The following SYTL5 variants were observed in gnomAD, a reference collection of about 807,000 sequenced individuals.
SYTL5 encodes the protein synaptotagmin-like protein 5.
Under a neutral mutation model 55.9 loss-of-function variants are expected in SYTL5, and 34 were observed. That is an observed-to-expected ratio of 0.61 (90% CI 0.46 to 0.81). SYTL5 has a LOEUF of 0.81. Among genes scored for constraint, SYTL5 ranks in the 30% least tolerant of loss-of-function variants. The probability of loss-of-function intolerance (pLI) is 0.00; values close to 1 mark genes in which losing one functional copy is unlikely to be tolerated. For synonymous variants in SYTL5, 221 were observed against 188.7 expected (o/e 1.17, Z -1.40); for missense variants, 637 against 546.7 (o/e 1.17, Z -1.65).
chrX:38,029,547 G>A (rs780312340), intron 1 of SYTL5, among the ~76,000 whole-genome samples: 19 of 111,322 alleles, frequency 1.7e-4, no homozygotes, highest in Admixed American at 6.7e-4. Flanking sequence ...ATAGCTAGGG[G>A]GCATGGCTAA....
chrX:37,975,500 GA>G, the SYTL5 span, among the ~76,000 whole-genome samples: 1 of 111,750 alleles, frequency 8.9e-6, no homozygotes. Context: ...TACTAGTTAG[GA>G]GTGGGCAAAG....
At chrX:38,058,047 T>A (rs1344481339) in intron 3 of SYTL5, among the ~76,000 whole-genome samples, 1 of 111,627 alleles carries the variant, frequency 9.0e-6, no homozygotes, top group Non-Finnish European at 1.9e-5. Context: ...ATGAAAATAT[T>A]CTCCTATGTG....
the SYTL5 span, among the ~76,000 whole-genome samples, chrX:37,954,835 T>C: frequency 8.9e-6 from 1 of 111,796 alleles, no homozygotes; most frequent in South Asian, 3.7e-4. Flanking sequence ...TTGGTGTCAC[T>C]ATGAAGCTAT....
At chrX:38,081,732 C>T (rs1216066016) in intron 6 of SYTL5, among the ~76,000 whole-genome samples, 2 of 111,775 alleles carry the variant, frequency 1.8e-5, no homozygotes, top group Non-Finnish European at 3.8e-5. Context: ...GCTGAATGTA[C>T]CTCAGAGTTA....
chrX:38,054,322 C>T lies in SYTL5; in HGVS notation c.229C>T (p.Arg77Trp), dbSNP rs772330806. The change falls in exon 3 of 17, where the codon CGG becomes TGG. Residue 77 changes from arginine (R) to tryptophan (W), a missense_variant. Arg to Trp is a moderately radical substitution (Grantham distance 101, BLOSUM62 -3). Transcript: ENST00000297875. ...CAGAAACCTGGGCCTAATCTTTGAC[C>T]GGGGAGACCCTTGTCAGGCTTGCTC... ...CHRNLGLIFD[R>W]GDPCQACSLR... is the part of the protein sequence containing the mutation. 1.3e-5 allele frequency: 16 copies of T among 1,208,567 alleles called. No individual in the cohort carries two copies. Among genetic ancestry groups the T allele is most frequent in the South Asian group, 1.8e-5 (1 of 56,753 alleles).
chrX:37,938,735 G>A, the SYTL5 span, among the ~76,000 whole-genome samples: 4 of 110,965 alleles, frequency 3.6e-5, no homozygotes, highest in Non-Finnish European at 7.5e-5. Flanking sequence ...AAATGCTTTA[G>A]ACTGAGCACA....
chrX:37,990,806 G>T, the SYTL5 span: 1 of 1,161,993 alleles, frequency 8.6e-7, no homozygotes, highest in East Asian at 3.2e-5. Flanking sequence ...AGAGAATCAA[G>T]CAGAGCTGAT....
the SYTL5 span, among the ~76,000 whole-genome samples, chrX:37,909,938 G>A: frequency 9.0e-6 from 1 of 111,141 alleles, no homozygotes; most frequent in African/African-American, 3.3e-5. Flanking sequence ...GCCTCCCAAA[G>A]TGCTGGGATT....
chrX:38,066,994 G>A (rs73465494), intron 3 of SYTL5, among the ~76,000 whole-genome samples: 1,480 of 111,636 alleles, frequency 0.013, 11 homozygotes, highest in Middle Eastern at 0.019. Context: ...TGACTGACAT[G>A]CACTCACTAA....
chrX:38,087,790 G>A lies in SYTL5; in HGVS notation c.690-1656G>A, dbSNP rs773281537. On this transcript the variant is annotated intron_variant, in intron 6 of 16. Transcript: ENST00000297875. Reference sequence around the variant, plus strand: ...TTGTTCTTAGTGAAATGATGAGTAAGCAGTATGAGAAACTAGAATGGTCAC... The same window carrying A: ...TTGTTCTTAGTGAAATGATGAGTAAACAGTATGAGAAACTAGAATGGTCAC... Among the ~76,000 whole-genome samples the A allele has an allele frequency of 6.3e-5, 7 of 111,347 alleles. No homozygotes were observed. The South Asian group carries it at 2.7e-3, about 42-fold the overall frequency.
At chrX:38,044,000 G>A (rs139993856) in intron 2 of SYTL5, among the ~76,000 whole-genome samples, 1,231 of 109,155 alleles carry the variant, frequency 0.011, 11 homozygotes, top group Middle Eastern at 0.048. Flanking sequence ...TTTAAAAACC[G>A]GCAATCTGAG....
chrX:37,926,705 T>A, the SYTL5 span, among the ~76,000 whole-genome samples: 1 of 111,496 alleles, frequency 9.0e-6, no homozygotes, highest in African/African-American at 3.3e-5. Context: ...TAAAAAATTT[T>A]CATGTGGGCT....
At chrX:38,013,058 T>C (rs1305586806) in intron 1 of SYTL5, among the ~76,000 whole-genome samples, 1 of 112,056 alleles carries the variant, frequency 8.9e-6, no homozygotes, top group African/African-American at 3.2e-5. Flanking sequence ...ATGGAAAAAA[T>C]ATAGATTGGG....
intron 2 of SYTL5, among the ~76,000 whole-genome samples, chrX:38,043,661 G>GTGTATATATA (rs1285664433): frequency 4.0e-5 from 2 of 50,144 alleles, no homozygotes; most frequent in African/African-American, 9.6e-5. Flanking sequence ...ATGTATGTAT[G>GTGTATATATA]TATATATATA....
In SYTL5 at chrX:38,128,769, C is replaced by T. The variant is rs1937731698; in HGVS notation, c.*2039C>T. 9.0e-6 allele frequency: 1 copy of T among 111,025 alleles called. No homozygotes were observed. Among genetic ancestry groups the T allele is most frequent in the African/African-American group, 3.3e-5 (1 of 30,560 alleles). 9.1% of individuals were successfully genotyped at this position (111,025 alleles called of 1,213,427 possible). A position where few individuals can be genotyped will look rare whatever the true frequency, so the allele number is the denominator to read the frequency against. ...CAGAAAACAAAAAGTGTAAGATCAT[C>T]ATTGCTTCCCACATAGGAAAAATAA... On this transcript the variant is annotated 3_prime_UTR_variant, in exon 17 of 17. Coordinates refer to ENST00000297875, the MANE Select transcript of SYTL5 (RefSeq NM_138780.3).
intron 5 of SYTL5, among the ~76,000 whole-genome samples, chrX:38,074,719 C>G (rs192832526): frequency 1.7e-4 from 19 of 112,060 alleles, no homozygotes; most frequent in African/African-American, 5.5e-4. Flanking sequence ...AACTCAAGCA[C>G]TCATGACAAA....
At chrX:38,023,933 C>T (rs2147152669) in intron 1 of SYTL5, 1 of 108,554 alleles carries the variant, frequency 9.2e-6, no homozygotes, top group Admixed American at 9.9e-5. Flanking sequence ...GCAGTTTTTA[C>T]CATTAAAAGT....
intron 13 of SYTL5, 45 bp from the exon 14 acceptor site, chrX:38,120,313 C>T (rs1937555926): frequency 1.1e-6 from 1 of 938,243 alleles, no homozygotes; most frequent in Admixed American, 2.2e-5. Context: ...CAATACTAAG[C>T]CAATCATCCA....
rs775193681 is a variant in SYTL5, at chrX:38,011,127, C to T, written c.-357+4459C>T. Among the ~76,000 whole-genome samples the T allele has an allele frequency of 1.3e-4, 15 of 112,245 alleles. 1 individual carries two copies. Among genetic ancestry groups the T allele is most frequent in the Non-Finnish European group, 2.3e-4 (12 of 53,313 alleles). Reference sequence around the variant, plus strand: ...GCTCTGGAGTCCTAGACTGCTGTTACATGTTGCATCTCCAGTTTTCCTTGA... The same window carrying T: ...GCTCTGGAGTCCTAGACTGCTGTTATATGTTGCATCTCCAGTTTTCCTTGA... On this transcript the variant is annotated intron_variant, in intron 1 of 16. Coordinates refer to ENST00000297875, the MANE Select transcript of SYTL5 (RefSeq NM_138780.3).
Sources: gnomAD v4.1 joint callset for allele counts (sites outside exome capture counted in the v4.1 genomes callset) on GRCh38, gnomAD v4.1.1 for gene constraint, MANE v1.5 for transcripts, NCBI Gene and HGNC (gene_info 2026-07-23, HGNC 2026-07-21) for gene names.